The following WDR19 variants were observed in gnomAD, a reference collection of about 807,000 sequenced individuals.
The protein encoded by WDR19 is WD repeat domain 19.
Under a neutral mutation model 180.0 loss-of-function variants are expected in WDR19, and 121 were observed. That is an observed-to-expected ratio of 0.67 (90% CI 0.58 to 0.78). WDR19 has a LOEUF of 0.78. Ranked by LOEUF, WDR19 falls within the 30% of genes least tolerant of loss-of-function variation. WDR19 has a pLI of 0.00. For synonymous variants in WDR19, 497 were observed against 540.7 expected, an observed-to-expected ratio of 0.92 and a Z score of 1.12; for missense variants, 1,450 against 1,640.7, an observed-to-expected ratio of 0.88 and a Z score of 2.01.
intron 6 of WDR19, among the ~76,000 whole-genome samples, chr4:39,200,685 A>G (rs539463121): frequency 4.6e-5 from 7 of 152,300 alleles, no homozygotes; most frequent in African/African-American, 1.4e-4. Flanking sequence ...ACCTAATCAC[A>G]GAATCACTTT....
chr4:39,234,927 C>A (rs1242896940), intron 20 of WDR19, 52 bp downstream of exon 20: 3 of 1,149,738 alleles, frequency 2.6e-6, no homozygotes, highest in Non-Finnish European at 3.8e-6. Context: ...CTGCAAATAT[C>A]TTCAGTTCGA....
intron 31 of WDR19, among the ~76,000 whole-genome samples, chr4:39,271,192 C>T (rs1475127134): frequency 1.3e-5 from 2 of 152,132 alleles, no homozygotes; most frequent in African/African-American, 2.4e-5. Flanking sequence ...CCACTGTGCC[C>T]GGCCAGAAAA....
intron 21 of WDR19, 79 bp downstream of exon 21, chr4:39,240,413 A>C (rs1246064558): frequency 1.1e-6 from 1 of 880,396 alleles, no homozygotes; most frequent in African/African-American, 1.8e-5. Flanking sequence ...TCATGGTCTT[A>C]TTTGTATTGT....
chr4:39,283,870 TTCATTTTTGAGGA>T (rs1357852239), intron 36 of WDR19, among the ~76,000 whole-genome samples: 6 of 152,216 alleles, frequency 3.9e-5, no homozygotes, highest in Non-Finnish European at 8.8e-5. Context: ...TTTATTTTCC[TTCATTTTTGAGGA>T]TATTTTCGCT....
intron 36 of WDR19, among the ~76,000 whole-genome samples, chr4:39,279,421 C>T (rs1246677723): frequency 1.3e-5 from 2 of 152,238 alleles, no homozygotes; most frequent in Non-Finnish European, 2.9e-5. Context: ...CAAGGGCTCT[C>T]AGGCTATCTC....
chr4:39,213,870 ATC>A (rs1289005111), intron 9 of WDR19, among the ~76,000 whole-genome samples: 1 of 152,206 alleles, frequency 6.6e-6, no homozygotes, highest in African/African-American at 2.4e-5. Flanking sequence ...GAATCTCTCT[ATC>A]TCTCTATATT....
chr4:39,213,323 T>G (rs141582336), intron 9 of WDR19, among the ~76,000 whole-genome samples: 168 of 152,326 alleles, frequency 1.1e-3, no homozygotes, highest in African/African-American at 3.9e-3. Context: ...AGCCAAATAC[T>G]GGAAACAATC....
chr4:39,220,870 A>ATTTTTTTT (rs34845614), intron 14 of WDR19, among the ~76,000 whole-genome samples: 1 of 60,648 alleles, frequency 1.6e-5, no homozygotes, highest in Admixed American at 2.4e-4. Flanking sequence ...CTGCTAATTA[A>ATTTTTTTT]TTTTTTTTTT....
intron 36 of WDR19, among the ~76,000 whole-genome samples, chr4:39,284,009 T>G (rs1560576287): frequency 6.6e-6 from 1 of 152,214 alleles, no homozygotes; most frequent in Non-Finnish European, 1.5e-5. Context: ...GAATTCTCTA[T>G]TTTTGGTTTC....
chr4:39,204,234 C>T lies in WDR19; in HGVS notation c.603+512C>T, dbSNP rs376649365. Among the ~76,000 whole-genome samples the T allele has an allele frequency of 5.1e-4, 78 of 151,998 alleles. 1 individual carries two copies. The South Asian group carries it at 0.016, about 31-fold the overall frequency. On this transcript the variant is annotated intron_variant, in intron 7 of 36. Transcript: ENST00000399820. ...CCTAGTAGCTGTGATTACAGGCATG[C>T]GCCACGACACCCAGCTAATTTTGTA... is the stretch of plus-strand genomic sequence containing the variant.
chr4:39,267,200 C>G (rs1734898130), intron 29 of WDR19, among the ~76,000 whole-genome samples: 1 of 152,224 alleles, frequency 6.6e-6, no homozygotes, highest in South Asian at 2.1e-4. Flanking sequence ...ACCCACACAC[C>G]TTTGAGAATG....
At chr4:39,206,834 A>G (rs532755283) in intron 9 of WDR19, among the ~76,000 whole-genome samples, 24 of 152,362 alleles carry the variant, frequency 1.6e-4, no homozygotes, top group South Asian at 4.1e-4. Context: ...TGAAACCGTC[A>G]GCTACAGAAG....
Position 39,228,340 on chromosome 4 carries a change from A to C in WDR19, c.1760A>C (p.His587Pro). ...GATAAGGTGTACACTTATGTCTTTC[A>C]CAAGGACACTATACAAGGTACTAAA... ...DDDKVYTYVF[H>P]KDTIQGAKVI... is the part of the protein sequence containing the mutation. The change falls in exon 16 of 37, where the codon CAC becomes CCC. Residue 587 changes from histidine to proline, a missense_variant. His to Pro is a moderately conservative substitution (Grantham distance 77). Transcript: ENST00000399820. 6.2e-7 allele frequency: 1 copy of C among 1,611,200 alleles called. No individual in the cohort carries two copies. The highest frequency in any genetic ancestry group is 8.5e-7 in the Non-Finnish European group (1 of 1,177,710).
chr4:39,225,908 T>G (rs1162451440), intron 15 of WDR19, among the ~76,000 whole-genome samples: 1 of 152,154 alleles, frequency 6.6e-6, no homozygotes, highest in Non-Finnish European at 1.5e-5. Context: ...TTTCCACAGA[T>G]GTACCTGGAT....
intron 36 of WDR19, among the ~76,000 whole-genome samples, chr4:39,279,888 A>T (rs866079659): frequency 6.6e-6 from 1 of 151,686 alleles, no homozygotes; most frequent in South Asian, 2.1e-4. Flanking sequence ...TTTTTAGTGG[A>T]GACGGGGTTT....
At chr4:39,237,992 A>C (rs1316261747) in intron 20 of WDR19, 1 of 152,236 alleles carries the variant, frequency 6.6e-6, no homozygotes, top group Non-Finnish European at 1.5e-5. Context: ...AGTTCAATTG[A>C]AAGCCTCTGT....
chr4:39,258,881 A>T lies in WDR19; in HGVS notation c.3183+1327A>T, dbSNP rs570109461. Among the ~76,000 whole-genome samples, 29 of 152,322 alleles carry T rather than the reference A, an allele frequency of 1.9e-4. No individual in the cohort carries two copies. The South Asian group carries it at 2.1e-3, about 11-fold the overall frequency. On this transcript the variant is annotated intron_variant, in intron 28 of 36. Transcript: ENST00000399820. ...TCAGGACTTCAAGACCAGCCTGGCC[A>T]ACATGGTGAAACCCCATCTCTACTA...
At chr4:39,230,339 G>C (rs1730708992) in intron 17 of WDR19, among the ~76,000 whole-genome samples, 1 of 152,124 alleles carries the variant, frequency 6.6e-6, no homozygotes, top group Non-Finnish European at 1.5e-5. Flanking sequence ...GCCATCTCCT[G>C]CTCCAGGAAG....
chr4:39,195,582 T>C (rs1008469766), intron 5 of WDR19, among the ~76,000 whole-genome samples: 1 of 152,092 alleles, frequency 6.6e-6, no homozygotes, highest in African/African-American at 2.4e-5. Flanking sequence ...TCCCCCAACC[T>C]CTGGTCACTT....
Sources: allele counts gnomAD v4.1 joint callset (sites outside exome capture counted in the v4.1 genomes callset), GRCh38; gene constraint gnomAD v4.1.1; transcripts MANE v1.5; gene names NCBI Gene and HGNC (gene_info 2026-07-23, HGNC 2026-07-21).